Variants in CTNNA3 observed in about 807,000 individuals in gnomAD.
The protein encoded by CTNNA3 is catenin alpha-3.
In CTNNA3, 76 loss-of-function variants were observed where a neutral mutation model predicts 95.7. The ratio of observed to expected loss-of-function variants is 0.79; its 90% CI spans 0.66 to 0.96. The LOEUF (loss-of-function observed/expected upper bound fraction) is 0.96. CTNNA3 is among the 40% of genes least tolerant of loss of function. CTNNA3 has a pLI of 0.00. For missense variants in CTNNA3, 1,191 were observed against 1,089.8 expected (o/e 1.09, Z -1.31); for synonymous variants, 431 against 374.4 (o/e 1.15, Z -1.74).
chr10:66,494,921 T>C (rs539748558), intron 11 of CTNNA3, among the ~76,000 whole-genome samples: 3 of 152,278 alleles, frequency 2.0e-5, no homozygotes, highest in South Asian at 4.1e-4. Flanking sequence ...GGCCAAATAG[T>C]TGGTGAGAGA....
intron 7 of CTNNA3, among the ~76,000 whole-genome samples, chr10:66,841,127 G>C (rs1355315147): frequency 2.0e-5 from 3 of 152,122 alleles, no homozygotes; most frequent in African/African-American, 7.2e-5. Flanking sequence ...TAAAAGAAGA[G>C]AAGCATGAAT....
chr10:66,399,308 G>C (rs748229543), intron 11 of CTNNA3, among the ~76,000 whole-genome samples: 3 of 151,512 alleles, frequency 2.0e-5, no homozygotes, highest in Non-Finnish European at 4.4e-5. Flanking sequence ...GTTGCCTCTT[G>C]TGTCTTCTGC....
intron 7 of CTNNA3, among the ~76,000 whole-genome samples, chr10:66,794,877 C>G (rs939996661): frequency 4.1e-5 from 2 of 48,934 alleles, no homozygotes; most frequent in Admixed American, 4.8e-4. Context: ...TCGATTGCAT[C>G]TCACAAAACA....
chr10:67,744,233 C>T (rs1841360440), intron 1 of CTNNA3, among the ~76,000 whole-genome samples: 1 of 151,252 alleles, frequency 6.6e-6, no homozygotes, highest in South Asian at 2.1e-4. Context: ...GGAGGCATCA[C>T]ACTACCTGAC....
At chr10:67,058,616 T>C (rs926663801) in intron 7 of CTNNA3, among the ~76,000 whole-genome samples, 2 of 152,140 alleles carry the variant, frequency 1.3e-5, no homozygotes, top group Admixed American at 1.3e-4. Flanking sequence ...CCCTTTTTTT[T>C]CTGTGCGCAG....
chr10:66,511,529 C>A (rs1238710601), intron 11 of CTNNA3, among the ~76,000 whole-genome samples: 4 of 148,628 alleles, frequency 2.7e-5, no homozygotes, highest in Non-Finnish European at 6.0e-5. Flanking sequence ...ACTATTTTTT[C>A]TGTGTTCCAT....
intron 14 of CTNNA3, among the ~76,000 whole-genome samples, chr10:66,091,080 C>G (rs2081193814): frequency 6.6e-6 from 1 of 151,596 alleles, no homozygotes; most frequent in African/African-American, 2.4e-5. Context: ...TTTTGTTAAC[C>G]AGGGACTAAT....
intron 5 of CTNNA3, among the ~76,000 whole-genome samples, chr10:67,511,164 C>T (rs1839613266): frequency 6.6e-6 from 1 of 152,148 alleles, no homozygotes; most frequent in Admixed American, 6.5e-5. Context: ...TCCTCTTTTC[C>T]TAATTGAATA....
intron 9 of CTNNA3, among the ~76,000 whole-genome samples, chr10:66,635,794 T>C (rs2132358648): frequency 6.6e-6 from 1 of 152,254 alleles, no homozygotes; most frequent in South Asian, 2.1e-4. Flanking sequence ...CAATCAATCA[T>C]CTGGCAACTT....
chr10:66,958,975 T>C (rs1007913881), intron 7 of CTNNA3, among the ~76,000 whole-genome samples: 2 of 151,918 alleles, frequency 1.3e-5, no homozygotes, highest in Non-Finnish European at 2.9e-5. Context: ...GGAGAGAGAG[T>C]GTAAATGAAT....
rs77982621 is a variant in CTNNA3, at chr10:67,464,012, G to A, written c.579+57830C>T. On this transcript the variant is annotated intron_variant, in intron 5 of 17. Coordinates refer to ENST00000433211, the MANE Select transcript of CTNNA3 (RefSeq NM_013266.4). ...CTCTAACCCCAGTTCATCACCATCAGATGAATCATTCTAAAATACTGTTGT... is the reference window on the plus strand; with the variant it reads ...CTCTAACCCCAGTTCATCACCATCAAATGAATCATTCTAAAATACTGTTGT... 2.8e-4 allele frequency among the ~76,000 whole-genome samples: 43 copies of A among 152,150 alleles called. No homozygotes were observed. In the East Asian group the frequency reaches 8.1e-3, roughly 29 times the overall value.
At chr10:66,698,380 A>G (rs1272732692) in intron 9 of CTNNA3, among the ~76,000 whole-genome samples, 2 of 152,202 alleles carry the variant, frequency 1.3e-5, no homozygotes, top group African/African-American at 4.8e-5. Flanking sequence ...CAGGAGCTGA[A>G]TTCAATCTTA....
At chr10:66,673,476 T>C (rs1391022186) in intron 9 of CTNNA3, among the ~76,000 whole-genome samples, 1 of 152,060 alleles carries the variant, frequency 6.6e-6, no homozygotes, top group Non-Finnish European at 1.5e-5. Flanking sequence ...GTAAAAGTAA[T>C]GACCACAAAT....
intron 7 of CTNNA3, among the ~76,000 whole-genome samples, chr10:66,782,544 T>G (rs1044082539): frequency 3.3e-5 from 5 of 152,206 alleles, no homozygotes; most frequent in Admixed American, 2.6e-4. Flanking sequence ...CATTAATCTC[T>G]TCATATATTT....
At chr10:66,248,996 A>T (rs1029261592) in intron 13 of CTNNA3, among the ~76,000 whole-genome samples, 10 of 152,192 alleles carry the variant, frequency 6.6e-5, no homozygotes, top group Non-Finnish European at 4.4e-5. Flanking sequence ...AAACAAATCC[A>T]TAAAACTATA....
intron 9 of CTNNA3, among the ~76,000 whole-genome samples, chr10:66,745,133 T>C (rs1399391855): frequency 6.6e-6 from 1 of 152,312 alleles, no homozygotes; most frequent in East Asian, 1.9e-4. Context: ...ATCACATTCT[T>C]AGTTTTCAGT....
intron 9 of CTNNA3, among the ~76,000 whole-genome samples, chr10:66,657,126 TAAG>T (rs1430950025): frequency 4.6e-5 from 7 of 152,110 alleles, no homozygotes; most frequent in Non-Finnish European, 1.0e-4. Context: ...AGCTACATGT[TAAG>T]AAGTTAAGAT....
In CTNNA3 at chr10:66,152,025, A is replaced by G. The variant is rs530364553; in HGVS notation, c.1885-48776T>C. On this transcript the variant is annotated intron_variant, in intron 13 of 17. Transcript: ENST00000433211. ...TTTCAGATAATCCAAATAACCAAGA[A>G]TGTGGAAATCATATTGTATCTATGC... 1.4e-4 allele frequency among the ~76,000 whole-genome samples: 21 copies of G among 152,090 alleles called. 1 individual carries two copies. In the South Asian group the frequency reaches 4.3e-3, roughly 31 times the overall value.
intron 7 of CTNNA3, among the ~76,000 whole-genome samples, chr10:66,971,779 T>C (rs1849738043): frequency 6.6e-6 from 1 of 152,178 alleles, no homozygotes; most frequent in Non-Finnish European, 1.5e-5. Flanking sequence ...ACATAATTTA[T>C]TTTAATTACA....
Sources: allele counts gnomAD v4.1 joint callset (sites outside exome capture counted in the v4.1 genomes callset), GRCh38; gene constraint gnomAD v4.1.1; transcripts MANE v1.5; gene names NCBI Gene and HGNC (gene_info 2026-07-23, HGNC 2026-07-21).